WDR37: variants seen among roughly 807,000 people sequenced by gnomAD.
WDR37 encodes the protein WD repeat-containing protein 37.
In WDR37, 19 loss-of-function variants were observed where a neutral mutation model predicts 62.9. The observed-to-expected ratio is 0.30, with a 90% CI of 0.21 to 0.44. WDR37 has a LOEUF of 0.44. Ranked by LOEUF, WDR37 falls within the 20% of genes least tolerant of loss-of-function variation. The pLI, the probability that WDR37 is intolerant of heterozygous loss-of-function variation, is 1.00. For synonymous variants in WDR37, 250 were observed against 260.9 expected (o/e 0.96, Z 0.40); for missense variants, 474 against 657.6 (o/e 0.72, Z 3.05).
In WDR37 at chr10:1,126,187, C is replaced by T. The variant is rs759557103; in HGVS notation, c.1353+1163C>T. ...TTGGGAGGCTGAGGCGGGCAGATCA[C>T]GAGGTCAGGAGATCGAGACCATCCT... On this transcript the variant is annotated intron_variant, in intron 13 of 13. Coordinates refer to ENST00000263150, the MANE Select transcript of WDR37 (RefSeq NM_014023.4). Among the ~76,000 whole-genome samples, 202 of 152,160 alleles carry T rather than the reference C, an allele frequency of 1.3e-3. 2 individuals carry two copies. The highest frequency in any genetic ancestry group is 3.4e-3 in the Middle Eastern group (1 of 294).
At chr10:1,093,631 A>C in intron 8 of WDR37, 135 bp downstream of exon 8, 1 of 752,586 alleles carries the variant, frequency 1.3e-6, no homozygotes, top group Non-Finnish European at 2.1e-6. Flanking sequence ...TTATGAATTA[A>C]ATGAGAAATG....
At chr10:1,078,083 A>G in intron 3 of WDR37, 80 bp downstream of exon 3, 1 of 1,112,232 alleles carries the variant, frequency 9.0e-7, no homozygotes, top group Non-Finnish European at 1.3e-6. Flanking sequence ...TCATCACTAT[A>G]TTAGTTTTCT....
In WDR37 at chr10:1,129,090, C is replaced by T. The variant is rs112906310; in HGVS notation, c.1354-123C>T. ...TCGGTGGTCCATGGGACTGATCCTGCACACCATGTTGTTTTCCTATAACTT... is the reference window on the plus strand; with the variant it reads ...TCGGTGGTCCATGGGACTGATCCTGTACACCATGTTGTTTTCCTATAACTT... On this transcript the variant is annotated intron_variant, in intron 13 of 13. Coordinates refer to ENST00000263150, the MANE Select transcript of WDR37 (RefSeq NM_014023.4). 157 of 1,383,794 alleles carry T rather than the reference C, an allele frequency of 1.1e-4. 1 individual carries two copies. In the African/African-American group the frequency reaches 1.8e-3, roughly 16 times the overall value. 85.7% of individuals were successfully genotyped at this position (1,383,794 alleles called of 1,614,324 possible). A position where few individuals can be genotyped will look rare whatever the true frequency, so the allele number is the denominator to read the frequency against.
intron 13 of WDR37, among the ~76,000 whole-genome samples, chr10:1,126,319 T>C (rs1302522916): frequency 3.4e-5 from 5 of 148,370 alleles, no homozygotes; most frequent in South Asian, 2.1e-4. Flanking sequence ...GGCAGGAGAA[T>C]GGCGTGAACC....
chr10:1,097,207 C>CA (rs946398495), intron 9 of WDR37, among the ~76,000 whole-genome samples: 3 of 151,790 alleles, frequency 2.0e-5, no homozygotes, highest in Admixed American at 6.6e-5. Context: ...GTGTCTGTGA[C>CA]AAAAAAAAGA....
intron 1 of WDR37, among the ~76,000 whole-genome samples, chr10:1,070,099 T>C (rs1026796270): frequency 1.3e-5 from 2 of 151,110 alleles, no homozygotes; most frequent in African/African-American, 4.9e-5. Context: ...CCAGTTACTC[T>C]GGAGGCTGAG....
chr10:1,101,065 T>C (rs1230130159), intron 9 of WDR37, among the ~76,000 whole-genome samples: 1 of 152,236 alleles, frequency 6.6e-6, no homozygotes, highest in Non-Finnish European at 1.5e-5. Context: ...TCTTACTGCC[T>C]GTGGAAATCA....
intron 2 of WDR37, among the ~76,000 whole-genome samples, chr10:1,074,855 G>A (rs766303295): frequency 1.3e-5 from 2 of 152,236 alleles, no homozygotes; most frequent in Non-Finnish European, 2.9e-5. Context: ...AGCCAGGTTC[G>A]CGCAGGCGCA....
chr10:1,116,512 C>T (rs1420960886), intron 11 of WDR37, among the ~76,000 whole-genome samples: 2 of 152,200 alleles, frequency 1.3e-5, no homozygotes, highest in African/African-American at 4.8e-5. Context: ...CCAGTTCTAT[C>T]CATGTTGCTG....
rs542077119 is a variant in WDR37 at position 1,105,910 on chromosome 10, C to A, written c.1103+643C>A. The stretch of plus-strand genomic sequence containing the variant: ...ACGCCATTCTCCTGCCTCAGCCTCC[C>A]GAGTAGCTGGGACTAGAGGCACCTG... On this transcript the variant is annotated intron_variant, in intron 11 of 13. Coordinates refer to ENST00000263150, the MANE Select transcript of WDR37 (RefSeq NM_014023.4). This position sits in a 1 kb window ranked among gnomAD's most constrained non-coding sequence, Gnocchi z 5.3. Among the ~76,000 whole-genome samples the A allele has an allele frequency of 2.0e-5, 3 of 152,160 alleles. 1 individual carries two copies. In the South Asian group the frequency reaches 6.2e-4, roughly 32 times the overall value.
chr10:1,071,836 C>G (rs562795727), intron 1 of WDR37, among the ~76,000 whole-genome samples: 1 of 151,948 alleles, frequency 6.6e-6, no homozygotes, highest in African/African-American at 2.4e-5. Flanking sequence ...TGGGGAATTC[C>G]GTTGGGTTAA....
chr10:1,097,703 C>G (rs1320947400), intron 9 of WDR37, among the ~76,000 whole-genome samples: 5 of 152,210 alleles, frequency 3.3e-5, no homozygotes, highest in African/African-American at 7.2e-5. Flanking sequence ...GCATCCAGAC[C>G]AAGAGGGACT....
chr10:1,120,835 G>A (rs1242428214), intron 11 of WDR37, among the ~76,000 whole-genome samples: 2 of 152,238 alleles, frequency 1.3e-5, no homozygotes, highest in African/African-American at 4.8e-5. Context: ...AGATTGTTAT[G>A]CAGAAGCGGT....
Position 1,062,275 on chromosome 10 carries a change from C to G in WDR37, c.-41+5307C>G, listed in dbSNP as rs182613712. 4.6e-5 allele frequency among the ~76,000 whole-genome samples: 7 copies of G among 152,298 alleles called. No individual in the cohort carries two copies. In the East Asian group the frequency reaches 1.3e-3, roughly 29 times the overall value. ...CTATTTTGTGAAGTGGCGAAGAAAG[C>G]AAGCTAAACCAAAGAGAACACCATG... On this transcript the variant is annotated intron_variant, in intron 1 of 13. Coordinates refer to ENST00000263150, the MANE Select transcript of WDR37 (RefSeq NM_014023.4).
intron 11 of WDR37, among the ~76,000 whole-genome samples, chr10:1,106,070 C>T (rs960683068): frequency 3.3e-5 from 5 of 152,296 alleles, no homozygotes; most frequent in Non-Finnish European, 5.9e-5. Context: ...CAGGCGTGAG[C>T]CACCGCGCCC....
chr10:1,059,240 G>C (rs371808926), intron 1 of WDR37, among the ~76,000 whole-genome samples: 4 of 152,150 alleles, frequency 2.6e-5, no homozygotes, highest in East Asian at 1.9e-4. Flanking sequence ...GCTGGGCATG[G>C]TGGCGGGCAC....
At chr10:1,067,114 A>G (rs969132438) in intron 1 of WDR37, among the ~76,000 whole-genome samples, 1 of 152,192 alleles carries the variant, frequency 6.6e-6, no homozygotes, top group African/African-American at 2.4e-5. Context: ...GTGGAACAGA[A>G]TAGAGAACCA....
chr10:1,125,323 T>TGCCTCA (rs985944928), intron 13 of WDR37, among the ~76,000 whole-genome samples: 3 of 152,118 alleles, frequency 2.0e-5, no homozygotes, highest in South Asian at 2.1e-4. Context: ...GCAATTCTTC[T>TGCCTCA]GCCTCAGCCT....
intron 9 of WDR37, among the ~76,000 whole-genome samples, chr10:1,100,274 G>A (rs1226466854): frequency 7.4e-6 from 1 of 135,736 alleles, no homozygotes; most frequent in Non-Finnish European, 1.7e-5. Context: ...TGTGACTTGA[G>A]CTGTCCTGGG....
Sources: allele counts gnomAD v4.1 joint callset (sites outside exome capture counted in the v4.1 genomes callset), GRCh38; gene constraint gnomAD v4.1.1; non-coding constraint Gnocchi (gnomAD v3.1); transcripts MANE v1.5; gene names NCBI Gene and HGNC (gene_info 2026-07-23, HGNC 2026-07-21).